The following AGBL4 variants were observed in gnomAD, a reference collection of about 807,000 sequenced individuals.
AGBL4 encodes cytosolic carboxypeptidase 6.
AGBL4 carries 58 observed loss-of-function variants against 66.4 expected under a neutral mutation model. The observed-to-expected ratio is 0.87, with a 90% CI of 0.71 to 1.09. The LOEUF (loss-of-function observed/expected upper bound fraction) is 1.09. Ranked by LOEUF, AGBL4 falls within the 50% of genes least tolerant of loss-of-function variation. The probability of loss-of-function intolerance (pLI) is 0.00; values close to 1 mark genes in which losing one functional copy is unlikely to be tolerated. For missense variants in AGBL4, 579 were observed against 631.0 expected, an observed-to-expected ratio of 0.92 and a Z score of 0.88; for synonymous variants, 234 against 222.9, an observed-to-expected ratio of 1.05 and a Z score of -0.44.
chr1:49,641,666 C>CCTAT (rs1264651641), intron 3 of AGBL4, among the ~76,000 whole-genome samples: 1 of 151,720 alleles, frequency 6.6e-6, no homozygotes, highest in East Asian at 1.9e-4. Flanking sequence ...TCTCTTTTTT[C>CCTAT]CTATTTTATA....
chr1:49,383,620 T>A (rs547511275), intron 3 of AGBL4, among the ~76,000 whole-genome samples: 3 of 152,160 alleles, frequency 2.0e-5, no homozygotes. Flanking sequence ...TGGACACTTA[T>A]GTCACACTAT....
intron 6 of AGBL4, among the ~76,000 whole-genome samples, chr1:48,738,644 A>G (rs745600609): frequency 4.6e-5 from 7 of 152,340 alleles, no homozygotes; most frequent in Non-Finnish European, 8.8e-5. Context: ...CTGAATCAGA[A>G]AATCATAGAG....
chr1:49,658,013 T>C (rs1403403743), intron 3 of AGBL4, among the ~76,000 whole-genome samples: 1 of 152,124 alleles, frequency 6.6e-6, no homozygotes, highest in Non-Finnish European at 1.5e-5. Flanking sequence ...AAATGGGATC[T>C]AATTAAACTA....
chr1:48,640,348 C>A (rs764930197), intron 8 of AGBL4, among the ~76,000 whole-genome samples: 1 of 152,172 alleles, frequency 6.6e-6, no homozygotes, highest in Non-Finnish European at 1.5e-5. Context: ...TTCCCACCCC[C>A]ACTCCAACAT....
intron 4 of AGBL4, among the ~76,000 whole-genome samples, chr1:49,060,272 C>T (rs987559080): frequency 1.4e-4 from 21 of 152,124 alleles, no homozygotes; most frequent in Admixed American, 3.3e-4. Flanking sequence ...TCCTTCTTTG[C>T]TCAGCACTTC....
chr1:49,997,576 G>T (rs1335994690), intron 1 of AGBL4, among the ~76,000 whole-genome samples: 1 of 151,966 alleles, frequency 6.6e-6, no homozygotes, highest in East Asian at 1.9e-4. Flanking sequence ...CTAGACCTAA[G>T]AAATGAGATA....
At chr1:49,969,585 C>CTACT (rs1657878660) in intron 1 of AGBL4, among the ~76,000 whole-genome samples, 1 of 152,120 alleles carries the variant, frequency 6.6e-6, no homozygotes, top group South Asian at 2.1e-4. Context: ...ATGGCTTCAA[C>CTACT]TACTTTACCT....
intron 2 of AGBL4, among the ~76,000 whole-genome samples, chr1:49,746,363 A>G (rs1248081320): frequency 6.6e-6 from 1 of 151,924 alleles, no homozygotes; most frequent in Non-Finnish European, 1.5e-5. Context: ...TCATATCTCC[A>G]ACTCCTTCAA....
At chr1:49,130,836 TC>T (rs1365257884) in intron 4 of AGBL4, among the ~76,000 whole-genome samples, 2 of 152,156 alleles carry the variant, frequency 1.3e-5, no homozygotes, top group African/African-American at 4.8e-5. Context: ...AGTAGTTTTT[TC>T]CAATTCTGTG....
intron 1 of AGBL4, among the ~76,000 whole-genome samples, chr1:49,981,541 T>C (rs143366766): frequency 1.3e-5 from 2 of 151,974 alleles, no homozygotes; most frequent in Admixed American, 1.3e-4. Context: ...ATATACACAC[T>C]ATATATGTAT....
At chr1:49,238,119 C>T (rs1053758540) in intron 4 of AGBL4, among the ~76,000 whole-genome samples, 1 of 151,948 alleles carries the variant, frequency 6.6e-6, no homozygotes, top group Admixed American at 6.6e-5. Context: ...TTTCAAGATT[C>T]TTTCTTTGTC....
intron 5 of AGBL4, among the ~76,000 whole-genome samples, chr1:48,961,994 T>C (rs992308465): frequency 3.9e-5 from 6 of 152,126 alleles, no homozygotes; most frequent in African/African-American, 7.2e-5. Context: ...AGGGAGGCAA[T>C]TGGTATTTTT....
chr1:49,149,549 T>A (rs931629845), intron 4 of AGBL4, among the ~76,000 whole-genome samples: 2 of 152,312 alleles, frequency 1.3e-5, no homozygotes, highest in East Asian at 3.9e-4. Context: ...TGTTGGAAGA[T>A]GTGTTAATCT....
chr1:49,282,544 C>T (rs534013383), intron 3 of AGBL4, among the ~76,000 whole-genome samples: 3 of 152,168 alleles, frequency 2.0e-5, no homozygotes, highest in South Asian at 4.1e-4. Flanking sequence ...GGAACAGCTC[C>T]GGTCTACAGC....
intron 3 of AGBL4, among the ~76,000 whole-genome samples, chr1:49,308,443 A>C (rs1644887363): frequency 6.6e-6 from 1 of 152,134 alleles, no homozygotes; most frequent in Non-Finnish European, 1.5e-5. Context: ...GGCAAAATGC[A>C]AGGAAAAGTA....
intron 5 of AGBL4, among the ~76,000 whole-genome samples, chr1:48,906,682 G>A (rs961797530): frequency 6.6e-6 from 1 of 152,112 alleles, no homozygotes; most frequent in Non-Finnish European, 1.5e-5. Context: ...GAAGATTTGT[G>A]AGAAAGGTAA....
chr1:48,956,856 A>G (rs1657491695), intron 5 of AGBL4, among the ~76,000 whole-genome samples: 1 of 152,214 alleles, frequency 6.6e-6, no homozygotes, highest in South Asian at 2.1e-4. Context: ...GGCCAATGGC[A>G]GGACACACAC....
chr1:49,774,069 A>T (rs1008623366), intron 2 of AGBL4, among the ~76,000 whole-genome samples: 1 of 152,182 alleles, frequency 6.6e-6, no homozygotes, highest in Admixed American at 6.5e-5. Flanking sequence ...CAGTTTCAAG[A>T]TGATGCCATG....
chr1:49,634,262 G>T (rs751696396), intron 3 of AGBL4, among the ~76,000 whole-genome samples: 1 of 151,962 alleles, frequency 6.6e-6, no homozygotes, highest in South Asian at 2.1e-4. Flanking sequence ...CCCTCCCTGT[G>T]TCCATGTGTT....
Sources: gnomAD v4.1 joint callset for allele counts (sites outside exome capture counted in the v4.1 genomes callset) on GRCh38, gnomAD v4.1.1 for gene constraint, MANE v1.5 for transcripts, NCBI Gene and HGNC (gene_info 2026-07-23, HGNC 2026-07-21) for gene names.